Variants in HECW2 observed in about 807,000 individuals in gnomAD.
HECW2 encodes the protein E3 ubiquitin-protein ligase HECW2.
Under a neutral mutation model 175.2 loss-of-function variants are expected in HECW2, and 61 were observed. That is an observed-to-expected ratio of 0.35 (90% confidence interval 0.28 to 0.43). The LOEUF (loss-of-function observed/expected upper bound fraction) is 0.43. Among genes scored for constraint, HECW2 ranks in the 20% least tolerant of loss-of-function variants. HECW2 has a pLI of 1.00. For missense variants in HECW2, 1,524 were observed against 2,000.5 expected (o/e 0.76, Z 4.54); for synonymous variants, 671 against 731.0 (o/e 0.92, Z 1.32).
At chr2:196,238,531 C>T (rs180860387) in intron 21 of HECW2, 2 of 152,016 alleles carry the variant, frequency 1.3e-5, no homozygotes, top group Non-Finnish European at 2.9e-5. Flanking sequence ...CATATGTATC[C>T]TCGGTACCTC....
intron 1 of HECW2, among the ~76,000 whole-genome samples, chr2:196,557,379 G>A (rs1689837664): frequency 6.7e-6 from 1 of 149,254 alleles, no homozygotes; most frequent in African/African-American, 2.5e-5. Context: ...TGGGCAACAA[G>A]AGCAAAACTC....
At position 196,392,544 on chromosome 2, in the gene HECW2, C is replaced by T. The variant is rs185651240; in HGVS notation, c.292+40588G>A. 3.4e-3 allele frequency among the ~76,000 whole-genome samples: 521 copies of T among 152,066 alleles called. 2 individuals carry two copies. The highest frequency in any genetic ancestry group is 4.9e-3 in the Non-Finnish European group (330 of 67,994). On this transcript the variant is annotated intron_variant, in intron 2 of 28. Transcript: ENST00000644978. ...TGTCAGCAATGCAACACAAGGTGTT[C>T]CATATTCTAACATCAAAATAATTAT...
At chr2:196,488,286 G>C (rs1301402205) in intron 1 of HECW2, among the ~76,000 whole-genome samples, 1 of 152,142 alleles carries the variant, frequency 6.6e-6, no homozygotes, top group Non-Finnish European at 1.5e-5. Context: ...AAACCAGTAA[G>C]AGTTAAGATA....
At chr2:196,326,968 G>T (rs1692177518) in intron 5 of HECW2, among the ~76,000 whole-genome samples, 1 of 152,124 alleles carries the variant, frequency 6.6e-6, no homozygotes, top group East Asian at 1.9e-4. Context: ...CTTCAGCAGG[G>T]AACAGCTTTG....
At chr2:196,260,728 G>A (rs963220365) in intron 17 of HECW2, among the ~76,000 whole-genome samples, 6 of 152,180 alleles carry the variant, frequency 3.9e-5, no homozygotes, top group South Asian at 4.1e-4. Flanking sequence ...GTCAGCAGAC[G>A]TCCTGGAAAT....
intron 4 of HECW2, among the ~76,000 whole-genome samples, chr2:196,331,795 C>A (rs571558815): frequency 7.0e-4 from 107 of 152,192 alleles, no homozygotes; most frequent in Admixed American, 1.1e-3. Context: ...TCATTCATTA[C>A]AATAAAGCCA....
At chr2:196,283,670 C>G (rs1424626692) in intron 14 of HECW2, among the ~76,000 whole-genome samples, 4 of 152,188 alleles carry the variant, frequency 2.6e-5, no homozygotes, top group Non-Finnish European at 5.9e-5. Flanking sequence ...CGTAAGCCAC[C>G]ATGCCTGGTG....
At chr2:196,472,837 T>C (rs748330866) in intron 1 of HECW2, among the ~76,000 whole-genome samples, 1 of 152,174 alleles carries the variant, frequency 6.6e-6, no homozygotes, top group Non-Finnish European at 1.5e-5. Flanking sequence ...GCCAGGCTGG[T>C]TCCGAACCCC....
chr2:196,574,392 T>C (rs1411053495), intron 1 of HECW2, among the ~76,000 whole-genome samples: 1 of 151,220 alleles, frequency 6.6e-6, no homozygotes, highest in Non-Finnish European at 1.5e-5. Flanking sequence ...ATAGCACCAC[T>C]GCACTCCAGT....
Position 196,325,076 on chromosome 2 carries a change from T to C in HECW2, c.645A>G (p.Pro215=), listed in dbSNP as rs755412684. ...AGGTGGGGAAACTGCTCTTCTTTCC[T>C]GGCTGAATTGACATCTTAAGATAAG... ...PDPYLKMSIQ[P]GKKSSFPTCA... Residue 215 remains proline, a synonymous_variant, in exon 6 of 29, where the codon CCA becomes CCG. Transcript: ENST00000644978. 24 of 1,612,916 alleles carry C rather than the reference T, an allele frequency of 1.5e-5. No individual in the cohort carries two copies. Among genetic ancestry groups the C allele is most frequent in the Non-Finnish European group, 2.0e-5 (24 of 1,179,528 alleles).
intron 2 of HECW2, among the ~76,000 whole-genome samples, chr2:196,423,684 T>TTGTGTGTGTGTGTGTG (rs60030164): frequency 0.094 from 13,093 of 139,782 alleles, 726 homozygotes; most frequent in Middle Eastern, 0.11. Context: ...TAGTATTCCA[T>TTGTGTGTGTGTGTGTG]TGTGTGTGTG....
intron 1 of HECW2, among the ~76,000 whole-genome samples, chr2:196,464,993 G>A (rs756130231): frequency 5.9e-5 from 9 of 152,078 alleles, no homozygotes; most frequent in African/African-American, 2.2e-4. Context: ...CCGAAATCGC[G>A]CCACTGCACT....
At chr2:196,347,796 A>C (rs1330353490) in intron 2 of HECW2, among the ~76,000 whole-genome samples, 2 of 152,160 alleles carry the variant, frequency 1.3e-5, no homozygotes, top group Non-Finnish European at 1.5e-5. Flanking sequence ...CAAGTAAGAG[A>C]CCCTCAAGTT....
At chr2:196,529,766 A>G (rs1575642022) in intron 1 of HECW2, among the ~76,000 whole-genome samples, 2 of 152,216 alleles carry the variant, frequency 1.3e-5, no homozygotes, top group South Asian at 4.1e-4. Flanking sequence ...AAGAGCAACA[A>G]TGTCTGGCCA....
intron 1 of HECW2, among the ~76,000 whole-genome samples, chr2:196,483,074 G>A (rs1686895118): frequency 7.2e-6 from 1 of 139,092 alleles, no homozygotes; most frequent in Non-Finnish European, 1.5e-5. Context: ...CATCCACAAT[G>A]TGTGTTGATT....
intron 14 of HECW2, among the ~76,000 whole-genome samples, chr2:196,281,018 G>C (rs1392941304): frequency 6.6e-6 from 1 of 152,138 alleles, no homozygotes; most frequent in Non-Finnish European, 1.5e-5. Flanking sequence ...GGAATGTTTT[G>C]AAGGGATGGG....
chr2:196,459,118 C>T (rs774282487), intron 1 of HECW2, among the ~76,000 whole-genome samples: 34 of 152,124 alleles, frequency 2.2e-4, no homozygotes, highest in African/African-American at 7.2e-4. Context: ...CAAGACTATA[C>T]GTATAATTAA....
At chr2:196,472,452 C>A (rs1245423825) in intron 1 of HECW2, among the ~76,000 whole-genome samples, 1 of 138,786 alleles carries the variant, frequency 7.2e-6, no homozygotes, top group Non-Finnish European at 1.5e-5. Flanking sequence ...TGCACCACTG[C>A]ACTCCAGCCT....
intron 19 of HECW2, among the ~76,000 whole-genome samples, chr2:196,246,729 C>A (rs1688660439): frequency 6.6e-6 from 1 of 151,950 alleles, no homozygotes. Context: ...CTTTAAAAAA[C>A]AGCACAGACA....
Sources: allele counts gnomAD v4.1 joint callset (sites outside exome capture counted in the v4.1 genomes callset), GRCh38; gene constraint gnomAD v4.1.1; transcripts MANE v1.5; gene names NCBI Gene and HGNC (gene_info 2026-07-23, HGNC 2026-07-21).